Variants in PGRMC2 observed in about 807,000 individuals in gnomAD.
The protein encoded by PGRMC2 is progesterone receptor membrane component 2.
In PGRMC2, 9 loss-of-function variants were observed where a neutral mutation model predicts 19.3. The observed-to-expected ratio is 0.47, with a 90% confidence interval of 0.28 to 0.81. The LOEUF (loss-of-function observed/expected upper bound fraction) is 0.81. Among genes scored for constraint, PGRMC2 ranks in the 40% least tolerant of loss-of-function variants. PGRMC2 has a pLI of 0.11. For missense variants in PGRMC2, 289 were observed against 297.3 expected (o/e 0.97, Z 0.21); for synonymous variants, 157 against 124.6 (o/e 1.26, Z -1.73).
At chr4:128,281,542 G>T (rs80010903) in intron 1 of PGRMC2, among the ~76,000 whole-genome samples, 1,552 of 152,100 alleles carry the variant, frequency 0.01, 36 homozygotes, top group East Asian at 0.085. Flanking sequence ...AAGAGGCAAA[G>T]AAAAGTAAGG....
At position 128,269,389 on chromosome 4, in the gene PGRMC2, A is replaced by T. The variant is rs1022843416; in HGVS notation, c.*1927T>A. The T allele has an allele frequency of 3.9e-5, 6 of 152,300 alleles. No homozygotes were observed. Among genetic ancestry groups the T allele is most frequent in the African/African-American group, 1.4e-4 (6 of 41,566 alleles). 9.4% of individuals were successfully genotyped at this position (152,300 alleles called of 1,614,324 possible). On this transcript the variant is annotated 3_prime_UTR_variant, in exon 3 of 3. Transcript: ENST00000296425. ...GTTTATTACTAGACTTTAGGCTTGA[A>T]TGATTCATATATATAGATATCAGTT...
Position 128,287,700 on chromosome 4 carries a change from C to T in PGRMC2, c.91G>A (p.Ala31Thr). 1 of 1,521,240 alleles carries T rather than the reference C, an allele frequency of 6.6e-7. No individual in the cohort carries two copies. The highest frequency in any genetic ancestry group is 8.8e-7 in the Non-Finnish European group (1 of 1,131,630). The allele number at this position is 1,521,240 out of a possible 1,614,324, so 94.2% of individuals were successfully genotyped here. Residue 31 changes from alanine (A) to threonine (T), a missense_variant, in exon 1 of 3, where the codon GCG (alanine) becomes ACG (threonine). Physicochemically the swap from Ala to Thr is moderately conservative, Grantham distance 58. Coordinates refer to ENST00000296425, the MANE Select transcript of PGRMC2 (RefSeq NM_006320.6). ...CCTCCCCCTTCCGCTGCCGCTCCCG[C>T]GTCGCCTGGACTCTCGCTGCCGCCG... ...NDGGSESPGD[A>T]GAAAEGGGWA...
chr4:128,269,926 A>G lies in PGRMC2; in HGVS notation c.*1390T>C, dbSNP rs1283092292. ...ATGTACATTTAATATACCAATTCTT[A>G]CCTGAATAATCTTGGATTTCTGGAG... On this transcript the variant is annotated 3_prime_UTR_variant, in exon 3 of 3. Transcript: ENST00000296425. 1.3e-5 allele frequency: 2 copies of G among 152,614 alleles called. No homozygotes were observed. Among genetic ancestry groups the G allele is most frequent in the Non-Finnish European group, 2.9e-5 (2 of 68,030 alleles). 9.5% of individuals were successfully genotyped at this position (152,614 alleles called of 1,614,324 possible).
intron 1 of PGRMC2, among the ~76,000 whole-genome samples, chr4:128,277,013 C>T (rs1355674035): frequency 5.3e-5 from 8 of 152,020 alleles, no homozygotes; most frequent in African/African-American, 1.9e-4. Context: ...AAAAATTAGT[C>T]GGGCATGGTA....
chr4:128,272,974 A>T (rs887628091), intron 1 of PGRMC2: 2 of 152,320 alleles, frequency 1.3e-5, no homozygotes, highest in Non-Finnish European at 1.5e-5. Flanking sequence ...TGAATCTGTA[A>T]CATTTTTCTT....
At chr4:128,275,857 C>G (rs1254711356) in intron 1 of PGRMC2, among the ~76,000 whole-genome samples, 1 of 152,094 alleles carries the variant, frequency 6.6e-6, no homozygotes, top group Non-Finnish European at 1.5e-5. Flanking sequence ...TCCCAAATAG[C>G]TGGGACTAGA....
chr4:128,284,035 T>C (rs1424746472), intron 1 of PGRMC2, among the ~76,000 whole-genome samples: 1 of 151,730 alleles, frequency 6.6e-6, no homozygotes, highest in Non-Finnish European at 1.5e-5. Flanking sequence ...GGTCTCAAAC[T>C]CCTGACCTCA....
chr4:128,283,444 C>G (rs776154648), intron 1 of PGRMC2, among the ~76,000 whole-genome samples: 2 of 152,120 alleles, frequency 1.3e-5, no homozygotes, highest in Non-Finnish European at 2.9e-5. Flanking sequence ...CTAAGAGGTG[C>G]CTTGTTAGTG....
rs1440142097 is a variant in PGRMC2 at position 128,270,458 on chromosome 4, AT to A, written c.*857del. The A allele has an allele frequency of 6.6e-6, 1 of 152,646 alleles. No homozygotes were observed. The highest frequency in any genetic ancestry group is 1.5e-5 in the Non-Finnish European group (1 of 68,042). 9.5% of individuals were successfully genotyped at this position (152,646 alleles called of 1,614,324 possible). A position where few individuals can be genotyped will look rare whatever the true frequency, so the allele number is the denominator to read the frequency against. ...CACTGTAATATTCCTTTTACATTCT[AT>A]ATACACAGAATGATATCAAGGTTTT... On this transcript the variant is annotated 3_prime_UTR_variant, in exon 3 of 3. Transcript: ENST00000296425.
intron 1 of PGRMC2, among the ~76,000 whole-genome samples, chr4:128,286,031 T>C (rs989973578): frequency 7.2e-6 from 1 of 138,572 alleles, no homozygotes; most frequent in African/African-American, 2.7e-5. Flanking sequence ...ATGAACAAAC[T>C]ACAAACCAAA....
At chr4:128,280,002 T>C (rs1469199672) in intron 1 of PGRMC2, among the ~76,000 whole-genome samples, 2 of 152,242 alleles carry the variant, frequency 1.3e-5, no homozygotes, top group South Asian at 2.1e-4. Flanking sequence ...TGAGGCCCTA[T>C]TTTGCAACAT....
intron 1 of PGRMC2, among the ~76,000 whole-genome samples, chr4:128,281,136 G>GA (rs1053854918): frequency 1.4e-4 from 21 of 152,142 alleles, no homozygotes; most frequent in African/African-American, 4.8e-4. Flanking sequence ...GGTGGAGTTT[G>GA]AAAAAACAAA....
chr4:128,271,248 C>T lies in PGRMC2; in HGVS notation c.*68G>A, dbSNP rs184728179. The T allele has an allele frequency of 5.4e-5, 42 of 774,302 alleles. No individual in the cohort carries two copies. Among genetic ancestry groups the T allele is most frequent in the Admixed American group, 4.8e-4 (21 of 44,044 alleles). 48.0% of individuals were successfully genotyped at this position (774,302 alleles called of 1,614,324 possible). A position where few individuals can be genotyped will look rare whatever the true frequency, so the allele number is the denominator to read the frequency against. On this transcript the variant is annotated 3_prime_UTR_variant, in exon 3 of 3. Coordinates refer to ENST00000296425, the MANE Select transcript of PGRMC2 (RefSeq NM_006320.6). Reference sequence around the variant, plus strand: ...GCAGGTGAATCAAACCCAAAGACTCCGGACAGTCTGTGAAAGGGAGTAAGA... The same window carrying T: ...GCAGGTGAATCAAACCCAAAGACTCTGGACAGTCTGTGAAAGGGAGTAAGA...
intron 1 of PGRMC2, among the ~76,000 whole-genome samples, chr4:128,279,763 A>G (rs1432252484): frequency 6.6e-6 from 1 of 152,182 alleles, no homozygotes; most frequent in Non-Finnish European, 1.5e-5. Context: ...AAGGGTATGC[A>G]TAGTATACTA....
chr4:128,281,620 C>T (rs1365321893), intron 1 of PGRMC2, among the ~76,000 whole-genome samples: 3 of 152,050 alleles, frequency 2.0e-5, no homozygotes, highest in Non-Finnish European at 4.4e-5. Flanking sequence ...AAAACATATA[C>T]ACTAATTAAG....
chr4:128,276,466 G>A (rs1000098126), intron 1 of PGRMC2, among the ~76,000 whole-genome samples: 3 of 152,054 alleles, frequency 2.0e-5, no homozygotes, highest in Non-Finnish European at 2.9e-5. Flanking sequence ...ATTATTGGGT[G>A]TGGCACCACG....
At position 128,287,413 on chromosome 4, in the gene PGRMC2, T is replaced by C. The variant is rs1047981365; in HGVS notation, c.378A>G (p.Lys126=). The C allele has an allele frequency of 3.1e-6, 5 of 1,612,608 alleles. No homozygotes were observed. The highest frequency in any genetic ancestry group is 1.3e-5 in the African/African-American group (1 of 74,948). ...TGCTGCCTTTGGTCACGTCGAAGACTTTCCCATTGACCGCGAGCAGGATGC... is the reference window on the plus strand; with the variant it reads ...TGCTGCCTTTGGTCACGTCGAAGACCTTCCCATTGACCGCGAGCAGGATGC... The part of the protein sequence containing the change: ...NPRILLAVNG[K]VFDVTKGSKF... The change falls in exon 1 of 3, where the codon AAA becomes AAG. Residue 126 remains lysine (K), a synonymous_variant. Coordinates refer to ENST00000296425, the MANE Select transcript of PGRMC2 (RefSeq NM_006320.6).
intron 1 of PGRMC2, among the ~76,000 whole-genome samples, chr4:128,278,678 T>TA (rs1760854165): frequency 2.0e-5 from 3 of 152,068 alleles, no homozygotes; most frequent in Non-Finnish European, 1.5e-5. Flanking sequence ...ACAGAAGTAC[T>TA]AAAAAAACTA....
rs1760697022 is a variant in PGRMC2, at chr4:128,269,687, T to A, written c.*1629A>T. 6.6e-6 allele frequency: 1 copy of A among 152,208 alleles called. No homozygotes were observed. Among genetic ancestry groups the A allele is most frequent in the Admixed American group, 6.5e-5 (1 of 15,270 alleles). The allele number at this position is 152,208 out of a possible 1,614,324, so 9.4% of individuals were successfully genotyped here. ...GACCTGTTAAATAACATTGCCTTTT[T>A]AAGTGAACTTGTCCCCAGCCCGGAA... On this transcript the variant is annotated 3_prime_UTR_variant, in exon 3 of 3. Transcript: ENST00000296425.
Sources: allele counts gnomAD v4.1 joint callset (sites outside exome capture counted in the v4.1 genomes callset), GRCh38; gene constraint gnomAD v4.1.1; transcripts MANE v1.5; gene names NCBI Gene and HGNC (gene_info 2026-07-23, HGNC 2026-07-21).